The following DGCR2 variants were observed in gnomAD, a reference collection of about 807,000 sequenced individuals.
The protein encoded by DGCR2 is DiGeorge syndrome critical region gene 2.
Under a neutral mutation model 51.6 loss-of-function variants are expected in DGCR2, and 24 were observed. That is an observed-to-expected ratio of 0.47 (90% CI 0.34 to 0.65). The LOEUF is 0.65. DGCR2 is among the 30% of genes least tolerant of loss of function. The pLI is 0.01. For missense variants in DGCR2, 765 were observed against 772.1 expected (o/e 0.99, Z 0.11); for synonymous variants, 340 against 315.4 (o/e 1.08, Z -0.82).
intron 7 of DGCR2, among the ~76,000 whole-genome samples, chr22:19,042,443 T>C (rs1336283315): frequency 6.6e-6 from 1 of 152,198 alleles, no homozygotes; most frequent in Non-Finnish European, 1.5e-5. Flanking sequence ...AGGTGCTCAG[T>C]TGCCCAGCAA....
chr22:19,051,136 C>A (rs146214198), intron 6 of DGCR2, among the ~76,000 whole-genome samples: 2,342 of 138,336 alleles, frequency 0.017, 66 homozygotes, highest in African/African-American at 0.061. Context: ...TTGCAGTGAG[C>A]CAAGATTGCA....
chr22:19,053,653 A>G (rs1445671208), intron 6 of DGCR2, among the ~76,000 whole-genome samples: 1 of 152,248 alleles, frequency 6.6e-6, no homozygotes, highest in Non-Finnish European at 1.5e-5. Flanking sequence ...ACAAGATGTC[A>G]GAGTTCCAAT....
chr22:19,062,948 G>A (rs745595344), intron 5 of DGCR2, among the ~76,000 whole-genome samples: 55 of 152,086 alleles, frequency 3.6e-4, no homozygotes, highest in Non-Finnish European at 7.1e-4. Context: ...AAAAGGAGGC[G>A]GGGGACAATC....
At chr22:19,089,260 T>G in intron 2 of DGCR2, 108 bp downstream of exon 2, 2 of 1,252,898 alleles carry the variant, frequency 1.6e-6, no homozygotes, top group Non-Finnish European at 2.1e-6. Context: ...AAACTAACTT[T>G]CCAATGTGTT....
chr22:19,086,061 G>GA (rs894708253), intron 2 of DGCR2, among the ~76,000 whole-genome samples: 14 of 151,614 alleles, frequency 9.2e-5, no homozygotes, highest in South Asian at 6.2e-4. Context: ...AAATAAACTA[G>GA]AAAAAAAATC....
chr22:19,099,908 T>A (rs189540486), intron 1 of DGCR2, among the ~76,000 whole-genome samples: 5 of 151,794 alleles, frequency 3.3e-5, no homozygotes. Flanking sequence ...AGGCAGAGGT[T>A]GCAGTGAGCC....
At chr22:19,062,779 A>ATTCTCTCTCATTCTCT in intron 5 of DGCR2, among the ~76,000 whole-genome samples, 3 of 127,354 alleles carry the variant, frequency 2.4e-5, no homozygotes, top group Admixed American at 7.8e-5. Flanking sequence ...ATGCATGCTC[A>ATTCTCTCTCATTCTCT]CTCTCTCTCT....
At chr22:19,075,209 CA>C (rs2082861667) in intron 2 of DGCR2, among the ~76,000 whole-genome samples, 1 of 150,454 alleles carries the variant, frequency 6.6e-6, no homozygotes, top group Non-Finnish European at 1.5e-5. Flanking sequence ...AGGCAGATCA[CA>C]AGGTCAGGAG....
At position 19,049,634 on chromosome 22, in the gene DGCR2, C is replaced by T. The variant is rs1279907330; in HGVS notation, c.803-991G>A. Among the ~76,000 whole-genome samples, 5 of 152,228 alleles carry T rather than the reference C, an allele frequency of 3.3e-5. No homozygotes were observed. In the East Asian group the frequency reaches 7.7e-4, roughly 24 times the overall value. ...CTGAGGTCAGGAGTTCAAGACCAGC[C>T]TGGCCAACATGGCAAAACCCTGTCT... On this transcript the variant is annotated intron_variant, in intron 6 of 9. Coordinates refer to ENST00000263196, the MANE Select transcript of DGCR2 (RefSeq NM_005137.3).
chr22:19,110,261 G>A (rs2083300248), intron 1 of DGCR2, among the ~76,000 whole-genome samples: 1 of 152,216 alleles, frequency 6.6e-6, no homozygotes, highest in South Asian at 2.1e-4. Context: ...CAGAAATGGG[G>A]ATGGGGTGGC....
chr22:19,084,115 A>C (rs1211283035), intron 2 of DGCR2, among the ~76,000 whole-genome samples: 3 of 152,156 alleles, frequency 2.0e-5, no homozygotes, highest in Admixed American at 6.5e-5. Flanking sequence ...CAAAGTGCCG[A>C]GATTGCAGCC....
intron 1 of DGCR2, among the ~76,000 whole-genome samples, chr22:19,111,845 A>ATTTTTTTTT (rs796208922): frequency 7.7e-6 from 1 of 130,286 alleles, no homozygotes; most frequent in Non-Finnish European, 1.6e-5. Flanking sequence ...TTTTGTTTTT[A>ATTTTTTTTT]TTTTTTATTT....
At chr22:19,086,659 G>C (rs1405525634) in intron 2 of DGCR2, among the ~76,000 whole-genome samples, 1 of 151,980 alleles carries the variant, frequency 6.6e-6, no homozygotes, top group Non-Finnish European at 1.5e-5. Flanking sequence ...TGCACACACG[G>C]GTCCTCATTG....
intron 1 of DGCR2, among the ~76,000 whole-genome samples, chr22:19,094,371 G>C (rs1003867321): frequency 6.6e-6 from 1 of 152,332 alleles, no homozygotes; most frequent in East Asian, 1.9e-4. Flanking sequence ...GTTGCAGTGA[G>C]CCAAGATTGC....
At chr22:19,056,883 C>T in intron 6 of DGCR2, 103 bp downstream of exon 6, 1 of 1,320,710 alleles carries the variant, frequency 7.6e-7, no homozygotes, top group Non-Finnish European at 1.0e-6. Flanking sequence ...TCCACCGCAA[C>T]ACTGCAAATC....
chr22:19,106,514 A>G (rs933495722), intron 1 of DGCR2, among the ~76,000 whole-genome samples: 3 of 152,130 alleles, frequency 2.0e-5, no homozygotes, highest in African/African-American at 4.8e-5. Context: ...CAGCATCTGA[A>G]CCTCAAGCCA....
intron 2 of DGCR2, among the ~76,000 whole-genome samples, chr22:19,078,252 G>C (rs7289180): frequency 6.6e-6 from 1 of 152,052 alleles, no homozygotes; most frequent in Non-Finnish European, 1.5e-5. Flanking sequence ...AAAATTTTTC[G>C]ACTTTACAAT....
intron 5 of DGCR2, among the ~76,000 whole-genome samples, chr22:19,062,779 A>ATTCATTTTCT: frequency 2.4e-5 from 3 of 127,350 alleles, no homozygotes; most frequent in Non-Finnish European, 5.4e-5. Flanking sequence ...ATGCATGCTC[A>ATTCATTTTCT]CTCTCTCTCT....
chr22:19,094,662 T>C (rs142139976), intron 1 of DGCR2, among the ~76,000 whole-genome samples: 5 of 152,198 alleles, frequency 3.3e-5, no homozygotes, highest in African/African-American at 9.7e-5. Context: ...CCAAGAGAAA[T>C]GAAAGCATAT....
Sources: allele counts gnomAD v4.1 joint callset (sites outside exome capture counted in the v4.1 genomes callset), GRCh38; gene constraint gnomAD v4.1.1; transcripts MANE v1.5; gene names NCBI Gene and HGNC (gene_info 2026-07-23, HGNC 2026-07-21).